Variants in PPME1 observed in about 807,000 individuals in gnomAD.
PPME1 encodes protein phosphatase methylesterase 1.
A neutral mutation model predicts 56.9 loss-of-function variants in PPME1; 17 were observed. The ratio of observed to expected loss-of-function variants is 0.30; its 90% CI spans 0.20 to 0.45. The LOEUF (loss-of-function observed/expected upper bound fraction) is 0.45, where lower values mean the gene tolerates loss of function less well. Ranked by LOEUF, PPME1 falls within the 20% of genes least tolerant of loss-of-function variation. PPME1 has a pLI of 1.00. For synonymous variants in PPME1, 122 were observed against 156.2 expected (o/e 0.78, Z 1.63); for missense variants, 357 against 483.2 (o/e 0.74, Z 2.45).
In PPME1 at chr11:74,230,338, C is replaced by T; in HGVS notation, c.492C>T (p.His164=). The stretch of plus-strand genomic sequence containing the variant: ...GCATGGGTGGTGCTATTGCAGTCCA[C>T]ACAGCATCATCCAACCTGGTACCAA... ...GHSMGGAIAV[H]TASSNLVPSL... The change falls in exon 6 of 14, where the codon CAC becomes CAT. Residue 164 remains histidine, a synonymous_variant. Transcript: ENST00000328257. The surrounding 1 kb of genome is among the most constrained non-coding windows in gnomAD (Gnocchi z 4.9). The T allele has an allele frequency of 1.9e-6, 3 of 1,613,836 alleles. No homozygotes were observed. Among genetic ancestry groups the T allele is most frequent in the Non-Finnish European group, 2.5e-6 (3 of 1,179,784 alleles).
At position 74,252,251 on chromosome 11, in the gene PPME1, G is replaced by GTT. The variant is rs1249533305; in HGVS notation, c.1142+550_1142+551dup. On this transcript the variant is annotated intron_variant, in intron 13 of 13. Transcript: ENST00000328257. ...CCCGGCTAATTTTGTTTTTTTTTTT[G>GTT]TTTTTTTTTTTTTTTAGTAAAGATG... is the stretch of plus-strand genomic sequence containing the variant. Among the ~76,000 whole-genome samples, 498 of 118,434 alleles carry GTT rather than the reference G, an allele frequency of 4.2e-3. 6 individuals carry two copies. The highest frequency in any genetic ancestry group is 0.014 in the African/African-American group (466 of 32,182). The allele number at this position is 118,434 out of a possible 152,430, so 77.7% of individuals were successfully genotyped here.
intron 1 of PPME1, among the ~76,000 whole-genome samples, chr11:74,181,030 CTTTTTTT>C (rs1005872237): frequency 1.9e-4 from 18 of 96,158 alleles, no homozygotes; most frequent in African/African-American, 6.4e-4. Context: ...ATTTTCTTCA[CTTTTTTT>C]TTTTTTTTTT....
chr11:74,171,881 G>A (rs1310306408), intron 1 of PPME1, among the ~76,000 whole-genome samples: 1 of 152,028 alleles, frequency 6.6e-6, no homozygotes, highest in African/African-American at 2.4e-5. Flanking sequence ...GGAGGGAAGT[G>A]GGGAATGACT....
chr11:74,244,494 T>C (rs1413168839), intron 9 of PPME1, among the ~76,000 whole-genome samples: 1 of 152,240 alleles, frequency 6.6e-6, no homozygotes, highest in Non-Finnish European at 1.5e-5. Flanking sequence ...GTGGTGTTGC[T>C]GTGCATTTAT....
chr11:74,198,316 A>G (rs866881663), intron 1 of PPME1, among the ~76,000 whole-genome samples: 3 of 151,976 alleles, frequency 2.0e-5, no homozygotes, highest in Middle Eastern at 3.4e-3. Flanking sequence ...TTCTTTGTCA[A>G]CCCTATTAAC....
At position 74,230,743 on chromosome 11, in the gene PPME1, A is replaced by G; in HGVS notation, c.554-169A>G. On this transcript the variant is annotated intron_variant, in intron 6 of 13. Transcript: ENST00000328257. The surrounding 1 kb of genome is among the most constrained non-coding windows in gnomAD (Gnocchi z 4.9). ...CCTCTTCAGTGTGAGGGCATGACAT[A>G]AAGAAGTGAATACCCCAGAGGCAAA... The G allele has an allele frequency of 1.6e-6, 1 of 629,022 alleles. No individual in the cohort carries two copies. Among genetic ancestry groups the G allele is most frequent in the South Asian group, 2.0e-5 (1 of 49,938 alleles). 39.0% of individuals were successfully genotyped at this position (629,022 alleles called of 1,614,324 possible). A position where few individuals can be genotyped will look rare whatever the true frequency, so the allele number is the denominator to read the frequency against.
rs1376732536 is a variant in PPME1 at position 74,247,104 on chromosome 11, G to A, written c.990G>A (p.Leu330=). Residue 330 remains leucine, a synonymous_variant, in exon 11 of 14, where the codon CTG becomes CTA. Coordinates refer to ENST00000328257, the MANE Select transcript of PPME1 (RefSeq NM_016147.3). ...LAGVDRLDKD[L]TIGQMQGKFQ... ...GTGTTGATAGATTGGATAAAGATCT[G>A]ACCATTGGCCAGATGCAAGGTAAGT... The A allele has an allele frequency of 5.0e-6, 8 of 1,612,328 alleles. No homozygotes were observed. The South Asian group carries it at 7.7e-5, about 16-fold the overall frequency.
intron 1 of PPME1, among the ~76,000 whole-genome samples, chr11:74,172,722 G>C (rs752793160): frequency 6.6e-6 from 1 of 152,158 alleles, no homozygotes; most frequent in African/African-American, 2.4e-5. Flanking sequence ...GTTTCAAACA[G>C]GATTCTGGGA....
intron 3 of PPME1, among the ~76,000 whole-genome samples, chr11:74,209,911 A>G (rs1192828909): frequency 2.0e-5 from 3 of 152,200 alleles, no homozygotes; most frequent in African/African-American, 7.2e-5. Context: ...AAATAGATAC[A>G]GAAGTGGGGC....
At chr11:74,247,331 C>G (rs1281881318) in intron 11 of PPME1, among the ~76,000 whole-genome samples, 1 of 151,942 alleles carries the variant, frequency 6.6e-6, no homozygotes, top group East Asian at 1.9e-4. Context: ...AAAAAAAAAT[C>G]CATCCAAAAA....
chr11:74,249,081 C>T (rs571774095), intron 11 of PPME1: 7 of 152,304 alleles, frequency 4.6e-5, no homozygotes, highest in East Asian at 1.9e-4. Flanking sequence ...GAAGTAATCA[C>T]GATTCCTTAT....
intron 1 of PPME1, among the ~76,000 whole-genome samples, chr11:74,177,321 G>A (rs1857423881): frequency 6.6e-6 from 1 of 151,972 alleles, no homozygotes; most frequent in Non-Finnish European, 1.5e-5. Context: ...ATTTAGCTGG[G>A]TGTGGTGGTG....
At chr11:74,200,629 C>T (rs1481483892) in intron 1 of PPME1, among the ~76,000 whole-genome samples, 1 of 152,018 alleles carries the variant, frequency 6.6e-6, no homozygotes, top group Non-Finnish European at 1.5e-5. Context: ...CTGATCTGCC[C>T]ACCTCGGTCT....
At chr11:74,198,248 C>G (rs747522797) in intron 1 of PPME1, among the ~76,000 whole-genome samples, 6 of 152,086 alleles carry the variant, frequency 3.9e-5, no homozygotes, top group Non-Finnish European at 8.8e-5. Context: ...AAAGGTCATT[C>G]TATGTTTTCT....
Position 74,230,369 on chromosome 11 carries a change from T to A in PPME1, c.523T>A (p.Leu175Met), listed in dbSNP as rs373715641. ...ATCATCCAACCTGGTACCAAGCCTC[T>A]TGGGTCTGTGCATGATTGATGTTGT... ...TASSNLVPSL[L>M]GLCMIDVVEG... The change falls in exon 6 of 14, where the codon TTG becomes ATG. Residue 175 changes from leucine to methionine, a missense_variant. Around this residue, in one of 2 missense-constraint regions of PPME1, gnomAD observed 182 missense variants for 293.8 expected, o/e 0.62. Transcript: ENST00000328257. The surrounding 1 kb of genome is among the most constrained non-coding windows in gnomAD (Gnocchi z 4.9). 6.2e-7 allele frequency: 1 copy of A among 1,613,872 alleles called. No individual in the cohort carries two copies.
intron 1 of PPME1, among the ~76,000 whole-genome samples, chr11:74,195,381 T>C (rs547057234): frequency 6.6e-6 from 1 of 152,212 alleles, no homozygotes; most frequent in East Asian, 1.9e-4. Context: ...AATGGAATTA[T>C]ACAGGATTCA....
chr11:74,171,567 G>A (rs746787452), intron 1 of PPME1, 45 bp downstream of exon 1: 53 of 1,551,636 alleles, frequency 3.4e-5, no homozygotes, highest in Non-Finnish European at 5.2e-6. Context: ...GGCCCCAGCC[G>A]TTGGAGAATG....
chr11:74,228,134 A>C (rs1858975364), intron 5 of PPME1, among the ~76,000 whole-genome samples: 1 of 149,798 alleles, frequency 6.7e-6, no homozygotes, highest in Admixed American at 6.6e-5. Flanking sequence ...TTTAAACTTT[A>C]GTCTTTTCTT....
At chr11:74,201,295 GT>G (rs1310895377) in intron 1 of PPME1, among the ~76,000 whole-genome samples, 3 of 151,726 alleles carry the variant, frequency 2.0e-5, no homozygotes, top group Non-Finnish European at 4.4e-5. Context: ...TTTGTTTTTT[GT>G]TTTTTTTAAA....
Sources: gnomAD v4.1 joint callset for allele counts (sites outside exome capture counted in the v4.1 genomes callset) on GRCh38, gnomAD v4.1.1 for gene constraint, gnomAD v4.1.1 regional missense constraint, Gnocchi (gnomAD v3.1) non-coding constraint, MANE v1.5 for transcripts, NCBI Gene and HGNC (gene_info 2026-07-23, HGNC 2026-07-21) for gene names.